PGCKA1: variants seen among roughly 807,000 people sequenced by gnomAD.
The protein encoded by PGCKA1 is PDCD10 and GCKIII kinases associated 1, also known as PDCD10 and GCKIII kinases-associated protein 1.
chr4:37,521,998 T>G, the PGCKA1 span, among the ~76,000 whole-genome samples: 1 of 152,236 alleles, frequency 6.6e-6, no homozygotes, highest in Non-Finnish European at 1.5e-5. Flanking sequence ...TGTATGAGTA[T>G]AGTGACTCCT....
At chr4:37,544,620 CTT>C in the PGCKA1 span, among the ~76,000 whole-genome samples, 1 of 146,932 alleles carries the variant, frequency 6.8e-6, no homozygotes, top group Non-Finnish European at 1.5e-5. Flanking sequence ...TATTTTTGCT[CTT>C]TTGTTTTAAT....
chr4:37,471,243 G>T, the PGCKA1 span, among the ~76,000 whole-genome samples: 1 of 152,308 alleles, frequency 6.6e-6, no homozygotes, highest in East Asian at 1.9e-4. Flanking sequence ...TAACTTGATT[G>T]GTTACAGCTA....
At chr4:37,560,328 T>C in the PGCKA1 span, among the ~76,000 whole-genome samples, 4 of 152,180 alleles carry the variant, frequency 2.6e-5, no homozygotes, top group Non-Finnish European at 5.9e-5. Flanking sequence ...TAGTGCAGGC[T>C]CCAGGTCCAT....
At chr4:37,592,912 A>G in the PGCKA1 span, among the ~76,000 whole-genome samples, 1 of 152,256 alleles carries the variant, frequency 6.6e-6, no homozygotes, top group South Asian at 2.1e-4. Flanking sequence ...GGAAGTATGT[A>G]TAATGTCATT....
At chr4:37,532,906 C>G in the PGCKA1 span, among the ~76,000 whole-genome samples, 18 of 99,514 alleles carry the variant, frequency 1.8e-4, no homozygotes, top group Admixed American at 5.0e-4. Flanking sequence ...TGTGTATGTA[C>G]TATGTTTTGC....
chr4:37,564,570 G>C, the PGCKA1 span, among the ~76,000 whole-genome samples: 2 of 151,798 alleles, frequency 1.3e-5, no homozygotes, highest in African/African-American at 4.8e-5. Context: ...GCAGTGGCGC[G>C]ATCTTGGCTC....
chr4:37,460,332 T>C, the PGCKA1 span: 3 of 226,366 alleles, frequency 1.3e-5, no homozygotes, highest in Non-Finnish European at 2.7e-5. Context: ...GAATTATTTA[T>C]ATTCCTTTGG....
chr4:37,489,828 G>A, the PGCKA1 span, among the ~76,000 whole-genome samples: 1 of 152,164 alleles, frequency 6.6e-6, no homozygotes, highest in African/African-American at 2.4e-5. Flanking sequence ...GGCAAGCAAA[G>A]GAAAGCTTTA....
chr4:37,590,413 A>G, the PGCKA1 span: 1 of 1,613,292 alleles, frequency 6.2e-7, no homozygotes, highest in African/African-American at 1.3e-5. Flanking sequence ...CCAGGATGAC[A>G]GGGGCTCCTG....
chr4:37,532,239 A>G, the PGCKA1 span, among the ~76,000 whole-genome samples: 2 of 152,222 alleles, frequency 1.3e-5, no homozygotes, highest in Admixed American at 6.5e-5. Flanking sequence ...CAGCTGCTAC[A>G]TGGGAAAAAG....
the PGCKA1 span, among the ~76,000 whole-genome samples, chr4:37,520,828 A>G: frequency 6.6e-6 from 1 of 152,160 alleles, no homozygotes; most frequent in Admixed American, 6.5e-5. Flanking sequence ...CATATTAGCC[A>G]GGATGGTCTC....
chr4:37,529,398 G>A, the PGCKA1 span, among the ~76,000 whole-genome samples: 1 of 152,016 alleles, frequency 6.6e-6, no homozygotes, highest in African/African-American at 2.4e-5. Flanking sequence ...ATGTACTATT[G>A]ATGCTATAAA....
At chr4:37,587,586 A>G in the PGCKA1 span, among the ~76,000 whole-genome samples, 5 of 152,232 alleles carry the variant, frequency 3.3e-5, no homozygotes, top group African/African-American at 7.2e-5. Flanking sequence ...ACAGAGACAC[A>G]GCCAGCAATG....
the PGCKA1 span, among the ~76,000 whole-genome samples, chr4:37,455,398 A>C: frequency 6.6e-6 from 1 of 152,322 alleles, no homozygotes; most frequent in East Asian, 1.9e-4. Flanking sequence ...TAAAGTGTGA[A>C]GAGTCAGCTA....
At chr4:37,469,741 G>A in the PGCKA1 span, among the ~76,000 whole-genome samples, 10 of 152,042 alleles carry the variant, frequency 6.6e-5, no homozygotes, top group African/African-American at 1.4e-4. Flanking sequence ...TATTATTCTT[G>A]GTATGACATA....
chr4:37,498,479 G>T, the PGCKA1 span, among the ~76,000 whole-genome samples: 1 of 152,134 alleles, frequency 6.6e-6, no homozygotes, highest in African/African-American at 2.4e-5. Context: ...CATTGAATTT[G>T]TAGATTGCTT....
At chr4:37,524,170 T>G in the PGCKA1 span, among the ~76,000 whole-genome samples, 14 of 152,250 alleles carry the variant, frequency 9.2e-5, no homozygotes, top group African/African-American at 3.4e-4. Flanking sequence ...GAAAAGGAAC[T>G]GCATTCTCAG....
chr4:37,487,086 G>A, the PGCKA1 span, among the ~76,000 whole-genome samples: 5 of 152,156 alleles, frequency 3.3e-5, no homozygotes, highest in Admixed American at 6.5e-5. Context: ...GAGATGGTAC[G>A]AGTGACATCT....
chr4:37,555,054 C>A, the PGCKA1 span, among the ~76,000 whole-genome samples: 2,127 of 152,216 alleles, frequency 0.014, 56 homozygotes, highest in African/African-American at 0.048. Context: ...CTTTTAGATC[C>A]CAGTTTAAAT....
Sources: gnomAD v4.1 joint callset for allele counts (sites outside exome capture counted in the v4.1 genomes callset) on GRCh38, gnomAD v4.1.1 for gene constraint, MANE v1.5 for transcripts, NCBI Gene and HGNC (gene_info 2026-07-23, HGNC 2026-07-21) for gene names.